The following ANKFN1 variants were observed in gnomAD, a reference collection of about 807,000 sequenced individuals.
ANKFN1 encodes the protein ankyrin repeat and fibronectin type-III domain-containing protein 1.
A neutral mutation model predicts 108.7 loss-of-function variants in ANKFN1; 74 were observed. The ratio of observed to expected loss-of-function variants is 0.68; its 90% CI spans 0.56 to 0.83. The LOEUF (loss-of-function observed/expected upper bound fraction) is 0.83, where lower values mean the gene tolerates loss of function less well. Ranked by LOEUF, ANKFN1 falls within the 40% of genes least tolerant of loss-of-function variation. The pLI, the probability that ANKFN1 is intolerant of heterozygous loss-of-function variation, is 0.00. For missense variants in ANKFN1, 1,505 were observed against 1,382.3 expected, an observed-to-expected ratio of 1.09 and a Z score of -1.41; for synonymous variants, 547 against 516.2, an observed-to-expected ratio of 1.06 and a Z score of -0.81.
At chr17:56,409,647 C>T (rs923065891) in intron 8 of ANKFN1, among the ~76,000 whole-genome samples, 4 of 152,180 alleles carry the variant, frequency 2.6e-5, no homozygotes, top group Non-Finnish European at 4.4e-5. Context: ...TTAACTGAGA[C>T]TCAAATGGAC....
chr17:56,492,166 T>C (rs1421035802), intron 18 of ANKFN1, 21 bp from the exon 19 acceptor site: 1 of 690,130 alleles, frequency 1.4e-6, no homozygotes, highest in Non-Finnish European at 2.7e-6. Context: ...ACATGTTTTA[T>C]TTTGCTTGTC....
chr17:56,239,445 G>A (rs1280944797), intron 3 of ANKFN1, among the ~76,000 whole-genome samples: 2 of 152,142 alleles, frequency 1.3e-5, no homozygotes, highest in Non-Finnish European at 2.9e-5. Flanking sequence ...CAGTTACCCT[G>A]ATGTGATCAT....
intron 15 of ANKFN1, chr17:56,471,841 A>G (rs374778674): frequency 1.3e-5 from 2 of 152,370 alleles, no homozygotes; most frequent in East Asian, 3.9e-4. Flanking sequence ...AGAATAGGCA[A>G]ATCCATGCAG....
chr17:56,396,737 T>C (rs1850341869), intron 8 of ANKFN1, among the ~76,000 whole-genome samples: 1 of 152,082 alleles, frequency 6.6e-6, no homozygotes, highest in East Asian at 1.9e-4. Flanking sequence ...TATTATCCTC[T>C]CCTAATGAAT....
intron 4 of ANKFN1, among the ~76,000 whole-genome samples, chr17:56,113,891 T>C (rs2143263936): frequency 6.6e-6 from 1 of 152,268 alleles, no homozygotes; most frequent in Admixed American, 6.5e-5. Flanking sequence ...TGATCCTTTG[T>C]AGAGCAGAGT....
chr17:56,137,281 T>C (rs1406510918), intron 4 of ANKFN1, among the ~76,000 whole-genome samples: 1 of 152,166 alleles, frequency 6.6e-6, no homozygotes, highest in Non-Finnish European at 1.5e-5. Flanking sequence ...TGAATGAAAA[T>C]AATGTATTCC....
At chr17:56,378,198 T>A (rs1465445351) in intron 8 of ANKFN1, among the ~76,000 whole-genome samples, 1 of 152,206 alleles carries the variant, frequency 6.6e-6, no homozygotes, top group East Asian at 1.9e-4. Flanking sequence ...ACCTTCAGTT[T>A]CTTTCTCAGG....
intron 1 of ANKFN1, among the ~76,000 whole-genome samples, chr17:56,159,412 A>G (rs1909431904): frequency 1.3e-5 from 2 of 152,174 alleles, no homozygotes; most frequent in East Asian, 1.9e-4. Flanking sequence ...TCAGCATATC[A>G]CAGTTAGCCT....
intron 10 of ANKFN1, among the ~76,000 whole-genome samples, chr17:56,445,593 T>C (rs1185052571): frequency 6.6e-6 from 1 of 152,214 alleles, no homozygotes; most frequent in Non-Finnish European, 1.5e-5. Context: ...ACACTCCTAT[T>C]TATAAACAGA....
chr17:56,399,917 T>A lies in ANKFN1; in HGVS notation c.910+25203T>A. Reference sequence around the variant, plus strand: ...GAGTATTCCATTTTATATATATATATTATATATAGTGATATATATACAGTG... The same window carrying A: ...GAGTATTCCATTTTATATATATATAATATATATAGTGATATATATACAGTG... On this transcript the variant is annotated intron_variant, in intron 8 of 20. Transcript: ENST00000682825. 2.7e-5 allele frequency among the ~76,000 whole-genome samples: 4 copies of A among 147,002 alleles called. No individual in the cohort carries two copies. The East Asian group carries it at 7.8e-4, about 29-fold the overall frequency.
intron 3 of ANKFN1, among the ~76,000 whole-genome samples, chr17:56,239,326 T>C (rs1402025824): frequency 2.0e-5 from 3 of 152,052 alleles, no homozygotes; most frequent in Non-Finnish European, 4.4e-5. Flanking sequence ...AATAGTGAAG[T>C]AGAGAAAGGT....
intron 4 of ANKFN1, among the ~76,000 whole-genome samples, chr17:56,100,554 C>T (rs1905625866): frequency 6.6e-6 from 1 of 152,126 alleles, no homozygotes; most frequent in Admixed American, 6.5e-5. Flanking sequence ...AATTAAGTAG[C>T]AATAGTAAAC....
intron 11 of ANKFN1, among the ~76,000 whole-genome samples, 155 bp from the exon 12 acceptor site, chr17:56,456,706 C>T (rs1331668026): frequency 2.0e-5 from 3 of 151,826 alleles, no homozygotes; most frequent in Non-Finnish European, 4.4e-5. Flanking sequence ...ACAAGAGCTT[C>T]TTATAGGCAT....
intron 4 of ANKFN1, among the ~76,000 whole-genome samples, chr17:56,112,177 A>G (rs1464052842): frequency 1.3e-5 from 2 of 152,184 alleles, no homozygotes; most frequent in Non-Finnish European, 2.9e-5. Flanking sequence ...CATTTTTAAC[A>G]GTCCAGGAAG....
intron 4 of ANKFN1, among the ~76,000 whole-genome samples, chr17:56,106,092 G>A (rs530694513): frequency 6.6e-6 from 1 of 152,206 alleles, no homozygotes; most frequent in East Asian, 1.9e-4. Context: ...CCAACATAGA[G>A]CTAAGACTTT....
At chr17:56,401,541 G>C (rs771102254) in intron 8 of ANKFN1, among the ~76,000 whole-genome samples, 5 of 151,964 alleles carry the variant, frequency 3.3e-5, no homozygotes, top group Non-Finnish European at 7.4e-5. Context: ...TCTTGTATCT[G>C]AAAACTTTGC....
At chr17:56,398,250 A>G (rs1441909158) in intron 8 of ANKFN1, among the ~76,000 whole-genome samples, 1 of 152,204 alleles carries the variant, frequency 6.6e-6, no homozygotes, top group Non-Finnish European at 1.5e-5. Flanking sequence ...TATTGAATGA[A>G]TGAATACATG....
intron 4 of ANKFN1, among the ~76,000 whole-genome samples, chr17:56,121,236 T>C (rs1567793415): frequency 6.7e-6 from 1 of 148,720 alleles, no homozygotes; most frequent in Admixed American, 6.7e-5. Flanking sequence ...CGCCCAGGAG[T>C]TGTTCTTGCT....
chr17:56,384,353 C>A (rs1257644307), intron 8 of ANKFN1, among the ~76,000 whole-genome samples: 23 of 152,242 alleles, frequency 1.5e-4, no homozygotes, highest in African/African-American at 5.3e-4. Context: ...CTATCTATGA[C>A]AAACCCACAG....
Sources: gnomAD v4.1 joint callset for allele counts (sites outside exome capture counted in the v4.1 genomes callset) on GRCh38, gnomAD v4.1.1 for gene constraint, MANE v1.5 for transcripts, NCBI Gene and HGNC (gene_info 2026-07-23, HGNC 2026-07-21) for gene names.